The following TOMM34 variants were observed in gnomAD, a reference collection of about 807,000 sequenced individuals.
TOMM34 encodes translocase of outer mitochondrial membrane 34, also known as mitochondrial import receptor subunit TOM34.
In TOMM34, 24 loss-of-function variants were observed where a neutral mutation model predicts 37.4. The observed-to-expected ratio is 0.64, with a 90% CI of 0.46 to 0.90. The LOEUF (loss-of-function observed/expected upper bound fraction) is 0.90. Ranked by LOEUF, TOMM34 falls within the 40% of genes least tolerant of loss-of-function variation. The probability of loss-of-function intolerance (pLI) is 0.00; values close to 1 mark genes in which losing one functional copy is unlikely to be tolerated. For missense variants in TOMM34, 304 were observed against 375.6 expected (o/e 0.81, Z 1.58); for synonymous variants, 154 against 148.9 (o/e 1.03, Z -0.25).
chr20:44,946,052 T>C (rs963692308), intron 5 of TOMM34, among the ~76,000 whole-genome samples: 1 of 151,856 alleles, frequency 6.6e-6, no homozygotes, highest in Non-Finnish European at 1.5e-5. Context: ...AGAGATGGGG[T>C]TTCACCATGT....
At chr20:44,948,997 C>T (rs912462372) in intron 4 of TOMM34, 120 bp from the exon 5 acceptor site, 36 of 1,300,524 alleles carry the variant, frequency 2.8e-5, no homozygotes, top group Non-Finnish European at 3.6e-5. Flanking sequence ...GAGATTTCCT[C>T]CCCTGCTGTA....
chr20:44,956,400 G>A lies in TOMM34; in HGVS notation c.213C>T (p.Ile71=). Residue 71 remains isoleucine (I), a synonymous_variant, in exon 2 of 7, where the codon ATC becomes ATT. Transcript: ENST00000372813. ...HLKDGNCRDC[I]KDCTSALALV... is the part of the protein sequence containing the mutation. ...TGGCCACTTACGAAGTGCAATCTTT[G>A]ATGCAGTCTCTGCAGTTTCCATCCT... The A allele has an allele frequency of 6.2e-7, 1 of 1,614,146 alleles. No homozygotes were observed. The highest frequency in any genetic ancestry group is 1.1e-5 in the South Asian group (1 of 91,078).
In TOMM34 at chr20:44,942,964, C is replaced by T. The variant is rs2066947768; in HGVS notation, c.*145G>A. The T allele has an allele frequency of 2.9e-6, 2 of 689,698 alleles. No individual in the cohort carries two copies. Among genetic ancestry groups the T allele is most frequent in the South Asian group, 3.6e-5 (2 of 55,026 alleles). 42.7% of individuals were successfully genotyped at this position (689,698 alleles called of 1,614,324 possible). ...TAATTTGAACAAGCAAAGCCTCTTA[C>T]AGGGTGGGAGGCCATCAAGGGATTG... On this transcript the variant is annotated 3_prime_UTR_variant, in exon 7 of 7. Transcript: ENST00000372813.
intron 5 of TOMM34, among the ~76,000 whole-genome samples, chr20:44,946,809 T>A (rs551833756): frequency 6.6e-6 from 1 of 152,228 alleles, no homozygotes; most frequent in East Asian, 1.9e-4. Flanking sequence ...TCATTAGTCC[T>A]CTAGATTAAA....
At chr20:44,949,742 G>T (rs2067010540) in intron 4 of TOMM34, among the ~76,000 whole-genome samples, 1 of 152,162 alleles carries the variant, frequency 6.6e-6, no homozygotes, top group Non-Finnish European at 1.5e-5. Context: ...AGTCCTGGGG[G>T]ACCTTCCTCA....
At chr20:44,954,643 TG>T (rs2067054736) in intron 3 of TOMM34, among the ~76,000 whole-genome samples, 1 of 152,220 alleles carries the variant, frequency 6.6e-6, no homozygotes, top group Non-Finnish European at 1.5e-5. Context: ...TGCAATATAC[TG>T]AACCATGTCC....
rs557355752 is a variant in TOMM34 at position 44,950,426 on chromosome 20, A to C, written c.550+1407T>G. Reference sequence around the variant, plus strand: ...CACATGTTCCTCCTCCTTGTGTTTTAAGACACTGTTTACATGTCTCAGTCC... The same window carrying C: ...CACATGTTCCTCCTCCTTGTGTTTTCAGACACTGTTTACATGTCTCAGTCC... On this transcript the variant is annotated intron_variant, in intron 4 of 6. Transcript: ENST00000372813. Among the ~76,000 whole-genome samples, 346 of 152,334 alleles carry C rather than the reference A, an allele frequency of 2.3e-3. 2 individuals carry two copies. The highest frequency in any genetic ancestry group is 3.0e-3 in the Non-Finnish European group (204 of 68,022).
chr20:44,956,508 A>G (rs769754973), intron 1 of TOMM34, 23 bp from the exon 2 acceptor site: 1 of 1,613,306 alleles, frequency 6.2e-7, no homozygotes, highest in Non-Finnish European at 8.5e-7. Flanking sequence ...AGTGGGGAAG[A>G]TGATCAGTTT....
At chr20:44,952,941 G>A (rs1000275661) in intron 3 of TOMM34, among the ~76,000 whole-genome samples, 1 of 151,994 alleles carries the variant, frequency 6.6e-6, no homozygotes, top group Non-Finnish European at 1.5e-5. Context: ...CCCTTTTTTA[G>A]AGCAAACTTC....
intron 3 of TOMM34, among the ~76,000 whole-genome samples, chr20:44,954,103 C>T (rs2067049786): frequency 6.6e-6 from 1 of 152,170 alleles, no homozygotes; most frequent in Non-Finnish European, 1.5e-5. Flanking sequence ...AACCCCCTAC[C>T]CCATATCTCT....
At chr20:44,957,580 G>T (rs901489519) in intron 1 of TOMM34, among the ~76,000 whole-genome samples, 1 of 152,002 alleles carries the variant, frequency 6.6e-6, no homozygotes, top group African/African-American at 2.4e-5. Flanking sequence ...TGAAAATTTT[G>T]AAACATACAG....
intron 4 of TOMM34, among the ~76,000 whole-genome samples, chr20:44,951,437 C>T (rs2067025226): frequency 1.3e-5 from 2 of 152,250 alleles, no homozygotes; most frequent in African/African-American, 4.8e-5. Context: ...TGAATTCTCT[C>T]GGATTTTTCA....
In TOMM34 at chr20:44,943,498, G is replaced by C; in HGVS notation, c.780C>G (p.Asn260Lys). ...CTEALKLDGK[N>K]VKAFYRRAQA... The stretch of plus-strand genomic sequence containing the variant: ...GAGCCCGTCTGTAGAATGCCTTCAC[G>C]TTCTTTCCATCCAGCTTGAGGGCTT... The change falls in exon 6 of 7, where the codon AAC becomes AAG. Residue 260 changes from asparagine to lysine, a missense_variant. Physicochemically the swap from Asn to Lys is moderately conservative, Grantham distance 94. Coordinates refer to ENST00000372813, the MANE Select transcript of TOMM34 (RefSeq NM_006809.5). The C allele has an allele frequency of 6.2e-7, 1 of 1,613,936 alleles. No individual in the cohort carries two copies. Among genetic ancestry groups the C allele is most frequent in the South Asian group, 1.1e-5 (1 of 91,068 alleles).
rs781338743 is a variant in TOMM34 at position 44,951,828 on chromosome 20, C to T, written c.550+5G>A. The stretch of plus-strand genomic sequence containing the variant: ...CAAGACTCTGGGCAGGGAGTCACAG[C>T]TCACCTCTGTTCTTTGTAGCTGTGG... On this transcript the variant is annotated splice_donor_5th_base_variant and intron_variant, in intron 4 of 6. Transcript: ENST00000372813. 1.2e-6 allele frequency: 2 copies of T among 1,611,866 alleles called. No homozygotes were observed. The highest frequency in any genetic ancestry group is 2.2e-5 in the South Asian group (2 of 90,796).
Position 44,956,406 on chromosome 20 carries a change from G to C in TOMM34, c.207C>G (p.Asp69Glu). 6.2e-7 allele frequency: 1 copy of C among 1,614,186 alleles called. No individual in the cohort carries two copies. Among genetic ancestry groups the C allele is most frequent in the Non-Finnish European group, 8.5e-7 (1 of 1,180,030 alleles). ...ACHLKDGNCR[D>E]CIKDCTSALA... ...CTTACGAAGTGCAATCTTTGATGCA[G>C]TCTCTGCAGTTTCCATCCTTCAAGT... The change falls in exon 2 of 7, where the codon GAC becomes GAG. Residue 69 changes from aspartate (D) to glutamate (E), a missense_variant. Coordinates refer to ENST00000372813, the MANE Select transcript of TOMM34 (RefSeq NM_006809.5).
At chr20:44,952,619 G>A (rs925287868) in intron 3 of TOMM34, 39 of 717,158 alleles carry the variant, frequency 5.4e-5, no homozygotes, top group African/African-American at 8.7e-5. Context: ...TTCCAGGCCC[G>A]GCTAACTCCA....
Position 44,942,156 on chromosome 20 carries a change from A to G in TOMM34, c.*953T>C, listed in dbSNP as rs1004885067. 3 of 152,274 alleles carry G rather than the reference A, an allele frequency of 2.0e-5. No individual in the cohort carries two copies. Among genetic ancestry groups the G allele is most frequent in the African/African-American group, 7.2e-5 (3 of 41,480 alleles). 9.4% of individuals were successfully genotyped at this position (152,274 alleles called of 1,614,324 possible). On this transcript the variant is annotated 3_prime_UTR_variant, in exon 7 of 7. Transcript: ENST00000372813. Reference sequence around the variant, plus strand: ...GAATGCCCAATAAGCAATAACTTTTATTATTACTACAGAGTTCCAGGTGCA... The same window carrying G: ...GAATGCCCAATAAGCAATAACTTTTGTTATTACTACAGAGTTCCAGGTGCA...
chr20:44,947,552 G>T (rs1479648637), intron 5 of TOMM34, among the ~76,000 whole-genome samples: 1 of 152,046 alleles, frequency 6.6e-6, no homozygotes, highest in Non-Finnish European at 1.5e-5. Context: ...AGGCTGGAGT[G>T]CAGTGGCACA....
intron 3 of TOMM34, chr20:44,952,629 A>G (rs1213745398): frequency 1.4e-6 from 1 of 717,414 alleles, no homozygotes; most frequent in African/African-American, 1.7e-5. Context: ...GGCTAACTCC[A>G]ACTTATTCTT....
Sources: gnomAD v4.1 joint callset for allele counts (sites outside exome capture counted in the v4.1 genomes callset) on GRCh38, gnomAD v4.1.1 for gene constraint, MANE v1.5 for transcripts, NCBI Gene and HGNC (gene_info 2026-07-23, HGNC 2026-07-21) for gene names.